Variants in PPFIA4 observed in about 807,000 individuals in gnomAD.
The protein encoded by PPFIA4 is liprin-alpha-4.
Under a neutral mutation model 145.7 loss-of-function variants are expected in PPFIA4, and 98 were observed. The observed-to-expected ratio is 0.67, with a 90% CI of 0.57 to 0.80. The LOEUF (loss-of-function observed/expected upper bound fraction) is 0.80. Among genes scored for constraint, PPFIA4 ranks in the 30% least tolerant of loss-of-function variants. The pLI, the probability that PPFIA4 is intolerant of heterozygous loss-of-function variation, is 0.00. For synonymous variants in PPFIA4, 628 were observed against 649.6 expected (o/e 0.97, Z 0.51); for missense variants, 1,457 against 1,632.7 (o/e 0.89, Z 1.85).
rs775221959 is a variant in PPFIA4 at position 203,042,839 on chromosome 1, A to G, written c.235-558A>G. ...TTTTTAGTCGAGACAGGGTTTCACC[A>G]TGTTGGCCAGACTGGTCTCAAACTC... On this transcript the variant is annotated intron_variant, in intron 2 of 29. Transcript: ENST00000295706. 2.8e-4 allele frequency among the ~76,000 whole-genome samples: 43 copies of G among 152,236 alleles called. 1 individual carries two copies. Among genetic ancestry groups the G allele is most frequent in the South Asian group, 1.2e-3 (6 of 4,822 alleles).
chr1:203,053,195 A>T (rs1284786743), intron 14 of PPFIA4, among the ~76,000 whole-genome samples: 1 of 152,200 alleles, frequency 6.6e-6, no homozygotes. Context: ...TTCTCTTCTT[A>T]ACAGTTAGAG....
chr1:203,035,676 A>C (rs1659194610), intron 1 of PPFIA4: 1 of 456,674 alleles, frequency 2.2e-6, no homozygotes, highest in Non-Finnish European at 4.4e-6. Context: ...GGAGTTGAGG[A>C]GGCTTCTGTT....
intron 12 of PPFIA4, among the ~76,000 whole-genome samples, chr1:203,049,465 G>T (rs1660336491): frequency 6.6e-6 from 1 of 152,168 alleles, no homozygotes; most frequent in African/African-American, 2.4e-5. Flanking sequence ...CCCTGCCCCT[G>T]CCCATCCTTC....
At chr1:203,061,758 G>C (rs377340190) in intron 24 of PPFIA4, 80 bp downstream of exon 24, 411 of 1,407,070 alleles carry the variant, frequency 2.9e-4, no homozygotes, top group Middle Eastern at 7.6e-4. Flanking sequence ...TCCGCAGCAG[G>C]AATCTCTGAG....
Position 203,048,590 on chromosome 1 carries a change from A to G in PPFIA4, c.1232A>G (p.Gln411Arg). The change falls in exon 11 of 30, where the codon CAG (glutamine) becomes CGG (arginine). Residue 411 changes from glutamine to arginine, a missense_variant. By Grantham distance (43) the Gln-to-Arg change is conservative (BLOSUM62 1). Coordinates refer to ENST00000295706, the MANE Select transcript of PPFIA4 (RefSeq NM_001304331.2). The surrounding 1 kb of genome is among the most constrained non-coding windows in gnomAD (Gnocchi z 5.8). The stretch of plus-strand genomic sequence containing the variant: ...AGGCAGACGGCTGTGCAGGTGCGCC[A>G]GCGGGAAAAGATGAATGAGGACCAC... ...EKNQELARVR[Q>R]REKMNEDHNK... 6.3e-7 allele frequency: 1 copy of G among 1,583,840 alleles called. No homozygotes were observed. The highest frequency in any genetic ancestry group is 8.6e-7 in the Non-Finnish European group (1 of 1,166,192).
chr1:203,061,062 G>C, intron 23 of PPFIA4, 30 bp downstream of exon 23: 1 of 1,607,968 alleles, frequency 6.2e-7, no homozygotes, highest in Non-Finnish European at 8.5e-7. Context: ...TTTGTCCCTG[G>C]GCCTGGGGTT....
chr1:203,069,764 C>G (rs1292406638), intron 27 of PPFIA4, among the ~76,000 whole-genome samples: 3 of 118,264 alleles, frequency 2.5e-5, no homozygotes, highest in African/African-American at 8.3e-5. Context: ...GACCCCCCCG[C>G]CCCGCCCCCA....
In PPFIA4 at chr1:203,046,237, C is replaced by T; in HGVS notation, c.1006-11C>T. The T allele has an allele frequency of 6.3e-7, 1 of 1,583,478 alleles. No homozygotes were observed. The highest frequency in any genetic ancestry group is 2.3e-5 in the East Asian group (1 of 43,184). On this transcript the variant is annotated splice_polypyrimidine_tract_variant and intron_variant, in intron 8 of 29. Transcript: ENST00000295706. Reference sequence around the variant, plus strand: ...CCCTTTTGAATCACTTCACCACCCCCACATTGCTAGTGTGAGGAGAAGGCC... The same window carrying T: ...CCCTTTTGAATCACTTCACCACCCCTACATTGCTAGTGTGAGGAGAAGGCC...
At chr1:203,054,063 A>C in intron 15 of PPFIA4, 102 bp downstream of exon 15, 1 of 1,278,832 alleles carries the variant, frequency 7.8e-7, no homozygotes, top group East Asian at 2.5e-5. Context: ...TATAGCTGCA[A>C]CTTAGAGTAC....
In PPFIA4 at chr1:203,045,455, C is replaced by T; in HGVS notation, c.754C>T (p.Leu252=). 3 of 1,609,916 alleles carry T rather than the reference C, an allele frequency of 1.9e-6. No homozygotes were observed. Among genetic ancestry groups the T allele is most frequent in the Non-Finnish European group, 2.5e-6 (3 of 1,178,718 alleles). The change falls in exon 7 of 30, where the codon CTA becomes TTA. Residue 252 remains leucine (L), a synonymous_variant. Coordinates refer to ENST00000295706, the MANE Select transcript of PPFIA4 (RefSeq NM_001304331.2). ...LSQARERLVT[L]TTTVTELEED... is the part of the protein sequence containing the mutation. Reference sequence around the variant, plus strand: ...CCAGGCCCGGGAGCGACTGGTCACCCTAACAACAACCGTGACTGAACTCGA... The same window carrying T: ...CCAGGCCCGGGAGCGACTGGTCACCTTAACAACAACCGTGACTGAACTCGA...
At position 203,067,765 on chromosome 1, in the gene PPFIA4, C is replaced by T. The variant is rs367639981; in HGVS notation, c.3121C>T (p.Arg1041Ter). 6 of 1,613,668 alleles carry T rather than the reference C, an allele frequency of 3.7e-6. No homozygotes were observed. The highest frequency in any genetic ancestry group is 1.6e-4 in the Middle Eastern group (1 of 6,062). ...TGACCGGAAGGAGCTGGAGAAGAGG[C>T]GAGAGGAGAGCCAGCATGAGATCAA... ...NYDRKELEKR[R>*]EESQHEIKDV... The change falls in exon 26 of 30, where the codon CGA (arginine) becomes TGA (stop). Residue 1041 changes from arginine to a stop codon, truncating the protein, a stop_gained. Transcript: ENST00000295706. LOFTEE classifies it high-confidence loss of function.
chr1:203,026,668 T>G (rs1658410333), intron 1 of PPFIA4, 39 bp downstream of exon 1: 1 of 152,284 alleles, frequency 6.6e-6, no homozygotes, highest in African/African-American at 2.4e-5. Flanking sequence ...GGATGCGTCT[T>G]TTCCCCATCT....
At chr1:203,061,935 C>G (rs865902812) in intron 24 of PPFIA4, among the ~76,000 whole-genome samples, 12 of 151,982 alleles carry the variant, frequency 7.9e-5, no homozygotes, top group South Asian at 2.1e-4. Flanking sequence ...CAGTCTCATT[C>G]TTTTCCTGGG....
intron 27 of PPFIA4, among the ~76,000 whole-genome samples, chr1:203,071,027 C>T (rs1358264791): frequency 6.6e-6 from 1 of 151,490 alleles, no homozygotes; most frequent in Non-Finnish European, 1.5e-5. Context: ...TCATAGCTCA[C>T]TGTAGCCTCA....
Position 203,063,729 on chromosome 1 carries a change from G to A in PPFIA4, c.2875-99G>A. ...GACTGCCCTTCCTCCCTCATGGGTG[G>A]AGGATGGATTCATGTGTCTCCCGAC... On this transcript the variant is annotated intron_variant, in intron 24 of 29. Coordinates refer to ENST00000295706, the MANE Select transcript of PPFIA4 (RefSeq NM_001304331.2). The A allele has an allele frequency of 5.7e-6, 7 of 1,219,222 alleles. 1 individual carries two copies. In the South Asian group the frequency reaches 8.6e-5, roughly 15 times the overall value. 75.5% of individuals were successfully genotyped at this position (1,219,222 alleles called of 1,614,324 possible).
chr1:203,062,030 C>A (rs1172331156), intron 24 of PPFIA4, among the ~76,000 whole-genome samples: 1 of 152,164 alleles, frequency 6.6e-6, no homozygotes, highest in Admixed American at 6.5e-5. Flanking sequence ...GAAGGTCTTT[C>A]ATCCATTTCA....
At chr1:203,037,324 C>G (rs1659353672) in intron 1 of PPFIA4, 1 of 163,136 alleles carries the variant, frequency 6.1e-6, no homozygotes, top group African/African-American at 2.4e-5. Context: ...CCTGACCCTC[C>G]TAGTCTGCCT....
chr1:203,069,914 G>A (rs1043806876), intron 27 of PPFIA4, among the ~76,000 whole-genome samples: 2 of 152,148 alleles, frequency 1.3e-5, no homozygotes, highest in African/African-American at 4.8e-5. Context: ...ACCTCTCTTT[G>A]TGAGACGCTT....
intron 13 of PPFIA4, among the ~76,000 whole-genome samples, chr1:203,050,631 G>A (rs1660439774): frequency 6.6e-6 from 1 of 152,214 alleles, no homozygotes; most frequent in African/African-American, 2.4e-5. Flanking sequence ...AGGGGCAGTG[G>A]TTGAAATAGG....
Sources: allele counts gnomAD v4.1 joint callset (sites outside exome capture counted in the v4.1 genomes callset), GRCh38; gene constraint gnomAD v4.1.1; non-coding constraint Gnocchi (gnomAD v3.1); transcripts MANE v1.5; gene names NCBI Gene and HGNC (gene_info 2026-07-23, HGNC 2026-07-21).